Variants in GLG1 observed in about 807,000 individuals in gnomAD.
The protein encoded by GLG1 is golgi glycoprotein 1, also known as Golgi apparatus protein 1.
Under a neutral mutation model 160.5 loss-of-function variants are expected in GLG1, and 38 were observed. The observed-to-expected ratio is 0.24, with a 90% CI of 0.18 to 0.31. The LOEUF is 0.31. GLG1 is among the 10% of genes least tolerant of loss of function. The pLI is 1.00. For synonymous variants in GLG1, 644 were observed against 543.4 expected, an observed-to-expected ratio of 1.19 and a Z score of -2.57; for missense variants, 1,373 against 1,505.2, an observed-to-expected ratio of 0.91 and a Z score of 1.45.
At chr16:74,570,518 A>T (rs1182085854) in intron 1 of GLG1, among the ~76,000 whole-genome samples, 2 of 151,960 alleles carry the variant, frequency 1.3e-5, no homozygotes, top group Non-Finnish European at 2.9e-5. Context: ...ACTGTGATGG[A>T]TTTTTTCAAG....
chr16:74,497,979 A>G (rs1227739850), intron 4 of GLG1, among the ~76,000 whole-genome samples: 4 of 152,176 alleles, frequency 2.6e-5, no homozygotes, highest in Admixed American at 1.3e-4. Flanking sequence ...TTAATTGTAC[A>G]CTTCATCATC....
At chr16:74,486,167 T>C (rs2015779276) in intron 8 of GLG1, among the ~76,000 whole-genome samples, 1 of 152,234 alleles carries the variant, frequency 6.6e-6, no homozygotes, top group African/African-American at 2.4e-5. Context: ...CAGTAATCCC[T>C]GGAGGTCTTT....
intron 1 of GLG1, among the ~76,000 whole-genome samples, chr16:74,544,505 G>C (rs2017990042): frequency 6.6e-6 from 1 of 151,176 alleles, no homozygotes. Context: ...TTTTGTTGTT[G>C]TTTGTTTGGT....
At chr16:74,566,164 A>T (rs1016478831) in intron 1 of GLG1, among the ~76,000 whole-genome samples, 1 of 152,190 alleles carries the variant, frequency 6.6e-6, no homozygotes, top group African/African-American at 2.4e-5. Context: ...TCACTTGGCC[A>T]AGGTTTCTCC....
chr16:74,572,637 T>G (rs569570596), intron 1 of GLG1, among the ~76,000 whole-genome samples: 1 of 152,222 alleles, frequency 6.6e-6, no homozygotes, highest in East Asian at 1.9e-4. Context: ...TAGAAGCTCC[T>G]TGCCCCTTCT....
intron 1 of GLG1, among the ~76,000 whole-genome samples, chr16:74,536,410 T>C (rs1199992381): frequency 2.0e-5 from 3 of 152,120 alleles, no homozygotes; most frequent in African/African-American, 4.8e-5. Context: ...CAAGTATATA[T>C]TGAATAATGA....
At chr16:74,520,404 A>G (rs1028956219) in intron 2 of GLG1, among the ~76,000 whole-genome samples, 2 of 152,192 alleles carry the variant, frequency 1.3e-5, no homozygotes, top group Non-Finnish European at 2.9e-5. Flanking sequence ...TGGGAGGCCG[A>G]GGTGTGTGGA....
chr16:74,528,591 C>T, intron 2 of GLG1, among the ~76,000 whole-genome samples: 1 of 151,710 alleles, frequency 6.6e-6, no homozygotes, highest in Non-Finnish European at 1.5e-5. Flanking sequence ...GCGGGTGGAT[C>T]ACCTGAGGTC....
intron 1 of GLG1, among the ~76,000 whole-genome samples, chr16:74,569,557 C>T (rs574319360): frequency 1.3e-5 from 2 of 152,188 alleles, no homozygotes; most frequent in African/African-American, 4.8e-5. Context: ...CATATTTGCA[C>T]TTGTATCATC....
intron 1 of GLG1, among the ~76,000 whole-genome samples, chr16:74,601,147 T>G (rs1958429906): frequency 1.3e-5 from 2 of 152,204 alleles, no homozygotes. Flanking sequence ...GAATTATTCA[T>G]TGTCACTGAT....
Position 74,492,990 on chromosome 16 carries a change from A to G in GLG1, c.1201T>C (p.Leu401=). 1 of 1,613,356 alleles carries G rather than the reference A, an allele frequency of 6.2e-7. No homozygotes were observed. Among genetic ancestry groups the G allele is most frequent in the Non-Finnish European group, 8.5e-7 (1 of 1,179,592 alleles). The change falls in exon 7 of 26, where the codon TTG becomes CTG. Residue 401 remains leucine (L), a synonymous_variant. Transcript: ENST00000422840. The part of the protein sequence containing the change: ...PRSREARLSY[L]LMCLESAVHR... ...ACAGCTGACTCCAGGCACATTAACA[A>G]GTAGGAGAGCCTGGCTTCACGCGAT...
At chr16:74,532,939 A>G (rs2017585436) in intron 1 of GLG1, among the ~76,000 whole-genome samples, 1 of 152,226 alleles carries the variant, frequency 6.6e-6, no homozygotes, top group African/African-American at 2.4e-5. Context: ...TATAATTCAT[A>G]ACAAAAAGTT....
chr16:74,590,795 CAAAAAAAAAAAAAAAA>C (rs1342046772), intron 1 of GLG1, among the ~76,000 whole-genome samples: 6 of 68,964 alleles, frequency 8.7e-5, no homozygotes, highest in South Asian at 1.0e-3. Context: ...GAAACTGTCT[CAAAAAAAAAAAAAAAA>C]GAAAAAAAAA....
intron 1 of GLG1, among the ~76,000 whole-genome samples, chr16:74,601,070 T>C (rs567133432): frequency 6.6e-6 from 1 of 152,230 alleles, no homozygotes; most frequent in Admixed American, 6.6e-5. Context: ...GGAAATTCCA[T>C]ATTGGCTCAA....
chr16:74,578,667 T>C (rs925516172), intron 1 of GLG1, among the ~76,000 whole-genome samples: 3 of 152,308 alleles, frequency 2.0e-5, no homozygotes, highest in Non-Finnish European at 4.4e-5. Context: ...ATTAAATCCA[T>C]GTGCCTGCCA....
chr16:74,579,023 A>G (rs1957875280), intron 1 of GLG1, among the ~76,000 whole-genome samples: 1 of 152,228 alleles, frequency 6.6e-6, no homozygotes, highest in African/African-American at 2.4e-5. Context: ...AACAAGGTTC[A>G]GGTTTGCCCT....
chr16:74,569,336 G>A (rs2018752583), intron 1 of GLG1, among the ~76,000 whole-genome samples: 2 of 152,148 alleles, frequency 1.3e-5, no homozygotes, highest in African/African-American at 4.8e-5. Context: ...CAGCAGAAAG[G>A]CAAAGAAACT....
chr16:74,527,523 T>C (rs1329333095), intron 2 of GLG1, among the ~76,000 whole-genome samples: 1 of 151,936 alleles, frequency 6.6e-6, no homozygotes, highest in Non-Finnish European at 1.5e-5. Context: ...GTGCTGGGAT[T>C]ACAGGCGTGA....
intron 1 of GLG1, among the ~76,000 whole-genome samples, chr16:74,540,955 T>C (rs1019794306): frequency 2.0e-5 from 3 of 152,168 alleles, no homozygotes; most frequent in African/African-American, 4.8e-5. Context: ...AACTGCTTTG[T>C]AGGAAATACA....
Sources: gnomAD v4.1 joint callset for allele counts (sites outside exome capture counted in the v4.1 genomes callset) on GRCh38, gnomAD v4.1.1 for gene constraint, MANE v1.5 for transcripts, NCBI Gene and HGNC (gene_info 2026-07-23, HGNC 2026-07-21) for gene names.